KCNMA1: variants seen among roughly 807,000 people sequenced by gnomAD.
KCNMA1 encodes Calcium-activated potassium channel subunit alpha-1.
Under a neutral mutation model 140.0 loss-of-function variants are expected in KCNMA1, and 29 were observed. That is an observed-to-expected ratio of 0.21 (90% CI 0.15 to 0.28). The LOEUF is 0.28. Ranked by LOEUF, KCNMA1 falls within the 10% of genes least tolerant of loss-of-function variation. KCNMA1 has a pLI of 1.00. For synonymous variants in KCNMA1, 612 were observed against 611.9 expected (o/e 1.00, Z 0.00); for missense variants, 880 against 1,602.2 (o/e 0.55, Z 7.70).
intron 1 of KCNMA1, among the ~76,000 whole-genome samples, chr10:77,527,281 C>T (rs1313627244): frequency 6.6e-6 from 1 of 152,256 alleles, no homozygotes; most frequent in African/African-American, 2.4e-5. Flanking sequence ...TTCTCCCCAT[C>T]CATAGCCAGG....
chr10:77,039,972 A>G (rs2153581357), intron 14 of KCNMA1, among the ~76,000 whole-genome samples: 1 of 133,430 alleles, frequency 7.5e-6, no homozygotes, highest in South Asian at 2.3e-4. Context: ...AGCCTTGGAC[A>G]CCTGCACTGA....
rs565585783 is a variant in KCNMA1, at chr10:77,346,869, C to T, written c.540+56993G>A. Among the ~76,000 whole-genome samples, 3 of 152,302 alleles carry T rather than the reference C, an allele frequency of 2.0e-5. No individual in the cohort carries two copies. The East Asian group carries it at 5.8e-4, about 29-fold the overall frequency. ...CATTGTCCTCAAGCCCAAGGGACAG[C>T]CCTGTCCAGCATAAACATGATTAAA... On this transcript the variant is annotated intron_variant, in intron 2 of 27. Transcript: ENST00000286628.
intron 1 of KCNMA1, among the ~76,000 whole-genome samples, chr10:77,416,458 G>A (rs1034364013): frequency 1.3e-5 from 2 of 152,154 alleles, no homozygotes; most frequent in Non-Finnish European, 2.9e-5. Context: ...AAGTGTTACC[G>A]TGGCCCCAAG....
At chr10:77,022,908 A>T in intron 16 of KCNMA1, 1 of 454,902 alleles carries the variant, frequency 2.2e-6, no homozygotes, top group Non-Finnish European at 4.4e-6. Context: ...ATGAATATGT[A>T]AATATCCCAA....
At chr10:77,252,397 G>A (rs148613121) in intron 2 of KCNMA1, among the ~76,000 whole-genome samples, 73 of 152,296 alleles carry the variant, frequency 4.8e-4, no homozygotes, top group African/African-American at 1.8e-3. Context: ...CTAATACCCT[G>A]AAGAGACTGC....
chr10:77,035,803 G>A (rs183695526), intron 15 of KCNMA1, among the ~76,000 whole-genome samples: 261 of 152,268 alleles, frequency 1.7e-3, no homozygotes, highest in African/African-American at 6.0e-3. Context: ...AGAGGAGGGA[G>A]AGGGGAAAAG....
intron 2 of KCNMA1, among the ~76,000 whole-genome samples, chr10:77,323,411 C>T (rs189506523): frequency 3.3e-4 from 50 of 152,188 alleles, no homozygotes; most frequent in Non-Finnish European, 4.4e-5. Flanking sequence ...GGGGCAAATT[C>T]TAAAGAGTAA....
intron 3 of KCNMA1, among the ~76,000 whole-genome samples, chr10:77,210,812 C>A (rs982216381): frequency 1.3e-5 from 2 of 151,998 alleles, no homozygotes; most frequent in Non-Finnish European, 2.9e-5. Flanking sequence ...GTCCCATTGA[C>A]AATAGCCACA....
Position 77,108,673 on chromosome 10 carries a change from G to A in KCNMA1, c.1132-101C>T. ...GCACTAAGATCTGAAAACACAAAAG[G>A]ATTAGGCCTGCAAAGGTATATATTG... is the stretch of plus-strand genomic sequence containing the variant. On this transcript the variant is annotated intron_variant, in intron 8 of 27. Coordinates refer to ENST00000286628, the MANE Select transcript of KCNMA1 (RefSeq NM_001161352.2). The surrounding 1 kb of genome is among the most constrained non-coding windows in gnomAD (Gnocchi z 4.6). 2.3e-6 allele frequency: 2 copies of A among 860,118 alleles called. No individual in the cohort carries two copies. Among genetic ancestry groups the A allele is most frequent in the East Asian group, 2.4e-5 (1 of 41,252 alleles). The allele number at this position is 860,118 out of a possible 1,614,324, so 53.3% of individuals were successfully genotyped here.
At chr10:77,620,413 A>G (rs2091018430) in intron 1 of KCNMA1, among the ~76,000 whole-genome samples, 1 of 152,174 alleles carries the variant, frequency 6.6e-6, no homozygotes, top group Non-Finnish European at 1.5e-5. Flanking sequence ...GGGAGGTAAA[A>G]ATAGCACAGT....
intron 21 of KCNMA1, among the ~76,000 whole-genome samples, chr10:76,950,401 C>A (rs376774237): frequency 2.6e-5 from 4 of 152,196 alleles, no homozygotes; most frequent in Non-Finnish European, 5.9e-5. Context: ...ACAAAGGAGA[C>A]AAATGAAAGA....
At chr10:77,433,187 C>T (rs1253061073) in intron 1 of KCNMA1, among the ~76,000 whole-genome samples, 1 of 152,150 alleles carries the variant, frequency 6.6e-6, no homozygotes, top group Non-Finnish European at 1.5e-5. Flanking sequence ...GAGTCTCACT[C>T]TGTTACCCAG....
At chr10:77,337,267 C>A (rs1310707019) in intron 2 of KCNMA1, among the ~76,000 whole-genome samples, 6 of 152,168 alleles carry the variant, frequency 3.9e-5, no homozygotes, top group Admixed American at 3.9e-4. Context: ...ATTTACCAAG[C>A]ATAATATAAG....
At chr10:77,224,724 G>C (rs1349224771) in intron 3 of KCNMA1, among the ~76,000 whole-genome samples, 2 of 152,100 alleles carry the variant, frequency 1.3e-5, no homozygotes, top group Non-Finnish European at 2.9e-5. Context: ...TCAGATCTTG[G>C]AGGTGTCACC....
chr10:77,157,669 AT>A (rs2098504378), intron 5 of KCNMA1, among the ~76,000 whole-genome samples: 2 of 152,274 alleles, frequency 1.3e-5, no homozygotes, highest in Admixed American at 1.3e-4. Flanking sequence ...TTTTGGAAGT[AT>A]TTCTGTGGTT....
At chr10:77,550,700 G>A (rs1035623000) in intron 1 of KCNMA1, among the ~76,000 whole-genome samples, 1 of 152,160 alleles carries the variant, frequency 6.6e-6, no homozygotes, top group Non-Finnish European at 1.5e-5. Flanking sequence ...GTACTCCCTC[G>A]AAGCACATCT....
intron 2 of KCNMA1, among the ~76,000 whole-genome samples, chr10:77,371,350 C>T (rs1326727100): frequency 6.6e-6 from 1 of 152,154 alleles, no homozygotes; most frequent in East Asian, 1.9e-4. Context: ...TCCCCTGTGG[C>T]ACCTGTGTGT....
chr10:76,974,282 G>A, intron 19 of KCNMA1: 1 of 517,070 alleles, frequency 1.9e-6, no homozygotes, highest in East Asian at 3.3e-5. Context: ...CAAGCTGCCA[G>A]TTTGGGGGTG....
chr10:77,118,879 T>C (rs2097537921), intron 6 of KCNMA1, among the ~76,000 whole-genome samples: 1 of 152,244 alleles, frequency 6.6e-6, no homozygotes, highest in South Asian at 2.1e-4. Flanking sequence ...CACTCCAGGC[T>C]TGCTGAATTA....
Sources: allele counts gnomAD v4.1 joint callset (sites outside exome capture counted in the v4.1 genomes callset), GRCh38; gene constraint gnomAD v4.1.1; non-coding constraint Gnocchi (gnomAD v3.1); transcripts MANE v1.5; gene names NCBI Gene and HGNC (gene_info 2026-07-23, HGNC 2026-07-21).